ARFGEF1: variants seen among roughly 807,000 people sequenced by gnomAD.
ARFGEF1 encodes ARF guanine nucleotide exchange factor 1.
ARFGEF1 carries 42 observed loss-of-function variants against 231.0 expected under a neutral mutation model. The ratio of observed to expected loss-of-function variants is 0.18; its 90% CI spans 0.14 to 0.24. ARFGEF1 has a LOEUF of 0.24. ARFGEF1 is among the 10% of genes least tolerant of loss of function. ARFGEF1 has a pLI of 1.00. For synonymous variants in ARFGEF1, 710 were observed against 732.3 expected (o/e 0.97, Z 0.49); for missense variants, 1,345 against 2,192.0 (o/e 0.61, Z 7.72).
chr8:67,201,179 G>A (rs1262292579), intron 37 of ARFGEF1, among the ~76,000 whole-genome samples: 1 of 152,160 alleles, frequency 6.6e-6, no homozygotes, highest in Admixed American at 6.5e-5. Context: ...CAAATGATCT[G>A]TAAAAATGGG....
rs1838749148 is a variant in ARFGEF1, at chr8:67,211,501, T to C, written c.4801A>G (p.Lys1601Glu). ...AACTCACTTGCTGTAGATTTAATTT[T>C]GCTGACTTCTTCATTAACAGCAGAC... is the stretch of plus-strand genomic sequence containing the variant. Reference protein sequence around the residue: ...SASAVNEEVSKIKSTAKFPEQ... With the variant: ...SASAVNEEVSEIKSTAKFPEQ... Residue 1601 changes from lysine to glutamate, a missense_variant, in exon 34 of 39, where the codon AAA (lysine) becomes GAA (glutamate). Lys to Glu is a moderately conservative substitution (Grantham distance 56, BLOSUM62 1). Transcript: ENST00000262215. 26 of 1,582,572 alleles carry C rather than the reference T, an allele frequency of 1.6e-5. No homozygotes were observed. Among genetic ancestry groups the C allele is most frequent in the Non-Finnish European group, 2.2e-5 (26 of 1,168,284 alleles).
chr8:67,280,254 C>T (rs1421473951), intron 7 of ARFGEF1, among the ~76,000 whole-genome samples: 1 of 152,182 alleles, frequency 6.6e-6, no homozygotes, highest in Admixed American at 6.5e-5. Flanking sequence ...AATCAAAGAG[C>T]TTGGGGAACC....
At chr8:67,257,930 A>G (rs528563119) in intron 16 of ARFGEF1, 114 bp from the exon 17 acceptor site, 1 of 1,206,624 alleles carries the variant, frequency 8.3e-7, no homozygotes, top group African/African-American at 1.5e-5. Context: ...TCACATTACA[A>G]TTTTTTATGG....
chr8:67,216,587 T>C lies in ARFGEF1; in HGVS notation c.4686+3A>G. 1 of 1,597,762 alleles carries C rather than the reference T, an allele frequency of 6.3e-7. No homozygotes were observed. The highest frequency in any genetic ancestry group is 1.4e-5 in the African/African-American group (1 of 73,654). On this transcript the variant is annotated splice_donor_region_variant and intron_variant, in intron 33 of 38. Coordinates refer to ENST00000262215, the MANE Select transcript of ARFGEF1 (RefSeq NM_006421.5). ...TCAATATACTTTACTGATTAAAACT[T>C]ACCAATGGCTTTTCACTTACAGGAG...
Position 67,198,615 on chromosome 8 carries a change from C to G in ARFGEF1, c.*319G>C, listed in dbSNP as rs1161878244. 5.6e-6 allele frequency: 6 copies of G among 1,075,736 alleles called. No individual in the cohort carries two copies. Among genetic ancestry groups the G allele is most frequent in the Non-Finnish European group, 6.8e-6 (6 of 888,330 alleles). 66.6% of individuals were successfully genotyped at this position (1,075,736 alleles called of 1,614,324 possible). A position where few individuals can be genotyped will look rare whatever the true frequency, so the allele number is the denominator to read the frequency against. On this transcript the variant is annotated 3_prime_UTR_variant, in exon 39 of 39. Coordinates refer to ENST00000262215, the MANE Select transcript of ARFGEF1 (RefSeq NM_006421.5). ...AAGTTCAATCTTTACATCTATAGTT[C>G]TTTGGGTAAGTTTCACTTCCACACC...
intron 6 of ARFGEF1, among the ~76,000 whole-genome samples, chr8:67,289,085 T>C (rs375867520): frequency 1.1e-3 from 165 of 152,266 alleles, no homozygotes; most frequent in Middle Eastern, 6.8e-3. Flanking sequence ...AAATAGGAAT[T>C]CCACTGGGCT....
In ARFGEF1 at chr8:67,292,216, C is replaced by T. The variant is rs921277338; in HGVS notation, c.640-93G>A. 5 of 1,065,408 alleles carry T rather than the reference C, an allele frequency of 4.7e-6. No individual in the cohort carries two copies. The South Asian group carries it at 6.2e-5, about 13-fold the overall frequency. 66.0% of individuals were successfully genotyped at this position (1,065,408 alleles called of 1,614,324 possible). On this transcript the variant is annotated intron_variant, in intron 5 of 38. Coordinates refer to ENST00000262215, the MANE Select transcript of ARFGEF1 (RefSeq NM_006421.5). The stretch of plus-strand genomic sequence containing the variant: ...CTCCAACAATCCTTTCTATAAGGTG[C>T]CATTCTCTCTACGCTTGGAAATTAA...
In ARFGEF1 at chr8:67,219,473, G is replaced by A; in HGVS notation, c.4296C>T (p.Phe1432=). Residue 1432 remains phenylalanine (F), a synonymous_variant, in exon 30 of 39, where the codon TTC becomes TTT. Transcript: ENST00000262215. ...HWWQDLFRIV[F]RIFDNMKLPE... is the part of the protein sequence containing the mutation. Reference sequence around the variant, plus strand: ...GCAATTTCATATTGTCAAAGATTCTGAAAACAATTCTAAATAAATCCTGCC... The same window carrying A: ...GCAATTTCATATTGTCAAAGATTCTAAAAACAATTCTAAATAAATCCTGCC... The A allele has an allele frequency of 6.2e-7, 1 of 1,612,016 alleles. No individual in the cohort carries two copies.
At chr8:67,338,259 A>G (rs1307546977) in intron 1 of ARFGEF1, among the ~76,000 whole-genome samples, 1 of 151,872 alleles carries the variant, frequency 6.6e-6, no homozygotes, top group Admixed American at 6.6e-5. Flanking sequence ...TGTTTAGAGA[A>G]ACACAGGTTT....
intron 1 of ARFGEF1, among the ~76,000 whole-genome samples, chr8:67,305,465 A>T (rs1806695703): frequency 6.6e-6 from 1 of 152,160 alleles, no homozygotes. Context: ...CTCCTGCCTC[A>T]TCCTCCTGAG....
chr8:67,226,328 T>C, intron 27 of ARFGEF1, 145 bp from the exon 28 acceptor site: 1 of 739,232 alleles, frequency 1.4e-6, no homozygotes, highest in Non-Finnish European at 2.1e-6. Context: ...TTCAAGACTA[T>C]CTTTACCACT....
At chr8:67,310,177 GC>G (rs1171956047) in intron 1 of ARFGEF1, among the ~76,000 whole-genome samples, 1 of 152,014 alleles carries the variant, frequency 6.6e-6, no homozygotes, top group Non-Finnish European at 1.5e-5. Context: ...GGACTGTACT[GC>G]TGCCATCTCG....
chr8:67,324,060 CAA>C (rs1477959282), intron 1 of ARFGEF1, among the ~76,000 whole-genome samples: 2 of 152,190 alleles, frequency 1.3e-5, no homozygotes, highest in Non-Finnish European at 2.9e-5. Flanking sequence ...CTCGGCCTCC[CAA>C]AGTGCTGGGA....
At chr8:67,211,397 C>CT in intron 34 of ARFGEF1, 86 bp downstream of exon 34, 1 of 790,216 alleles carries the variant, frequency 1.3e-6, no homozygotes, top group Non-Finnish European at 1.8e-6. Flanking sequence ...ATAGTATATG[C>CT]TTGTTAATAA....
intron 5 of ARFGEF1, among the ~76,000 whole-genome samples, chr8:67,185,842 GA>G (rs1834428327): frequency 6.6e-6 from 1 of 152,070 alleles, no homozygotes; most frequent in Non-Finnish European, 1.5e-5. Flanking sequence ...AGTCAAATCA[GA>G]ATGGAAAAGA....
intron 7 of ARFGEF1, among the ~76,000 whole-genome samples, chr8:67,285,433 C>T (rs1482616948): frequency 6.6e-6 from 1 of 152,046 alleles, no homozygotes; most frequent in Non-Finnish European, 1.5e-5. Flanking sequence ...AGGAGGACTG[C>T]GTGAGCCCAA....
At chr8:67,224,081 T>C (rs996483238) in intron 29 of ARFGEF1, among the ~76,000 whole-genome samples, 1 of 152,142 alleles carries the variant, frequency 6.6e-6, no homozygotes, top group African/African-American at 2.4e-5. Flanking sequence ...GGTTCTGGCA[T>C]AAGGTGAGAA....
intron 14 of ARFGEF1, among the ~76,000 whole-genome samples, chr8:67,261,397 C>T (rs906164218): frequency 1.3e-5 from 2 of 152,236 alleles, no homozygotes; most frequent in Non-Finnish European, 2.9e-5. Flanking sequence ...TCCCAGGGTC[C>T]TTAAGAATTA....
chr8:67,342,774 C>A (rs1301948360), intron 1 of ARFGEF1, among the ~76,000 whole-genome samples: 3 of 152,210 alleles, frequency 2.0e-5, no homozygotes, highest in Admixed American at 2.0e-4. Flanking sequence ...CCAATCTTGA[C>A]ATACCAGCCC....
Sources: allele counts gnomAD v4.1 joint callset (sites outside exome capture counted in the v4.1 genomes callset), GRCh38; gene constraint gnomAD v4.1.1; transcripts MANE v1.5; gene names NCBI Gene and HGNC (gene_info 2026-07-23, HGNC 2026-07-21).